Variants in CFAP276 observed in about 807,000 individuals in gnomAD.
CFAP276 encodes the protein cilia and flagella associated protein 276, also known as cilia- and flagella-associated protein 276.
chr1:109,106,694 G>A, the CFAP276 span: 1 of 1,603,726 alleles, frequency 6.2e-7, no homozygotes. Flanking sequence ...AGTGGAGAGT[G>A]AAATCAATCA....
At chr1:109,109,508 T>C in the CFAP276 span, among the ~76,000 whole-genome samples, 3 of 147,988 alleles carry the variant, frequency 2.0e-5, no homozygotes, top group African/African-American at 7.5e-5. Context: ...CCCCACAATA[T>C]GGCAAAGTGC....
chr1:109,107,031 T>G, the CFAP276 span: 1 of 1,614,186 alleles, frequency 6.2e-7, no homozygotes. Context: ...CGTGGTTTTC[T>G]GGTTTAACAG....
chr1:109,113,560 G>A, the CFAP276 span: 1 of 1,515,780 alleles, frequency 6.6e-7, no homozygotes, highest in East Asian at 2.3e-5. Flanking sequence ...CTTCTAGCCG[G>A]TTGTAAAAGC....
chr1:109,113,737 C>G, the CFAP276 span: 2 of 1,595,984 alleles, frequency 1.3e-6, no homozygotes, highest in Non-Finnish European at 1.7e-6. Flanking sequence ...TAAAATAACC[C>G]CTGGCCCGAA....
chr1:109,107,820 G>A, the CFAP276 span: 1 of 965,416 alleles, frequency 1.0e-6, no homozygotes, highest in Non-Finnish European at 1.5e-6. Context: ...TCAGGCTACG[G>A]TAAACCATGA....
At chr1:109,106,724 A>G in the CFAP276 span, 4 of 1,540,186 alleles carry the variant, frequency 2.6e-6, no homozygotes, top group Non-Finnish European at 3.5e-6. Context: ...GAGGAAGGCA[A>G]GGTAGTTGAA....
At chr1:109,108,090 T>C in the CFAP276 span, 1 of 1,338,072 alleles carries the variant, frequency 7.5e-7, no homozygotes. Context: ...GAAGCCTTGC[T>C]GATGTGGTTA....
At chr1:109,112,632 A>G in the CFAP276 span, 2 of 1,550,570 alleles carry the variant, frequency 1.3e-6, no homozygotes, top group African/African-American at 2.7e-5. Flanking sequence ...AGTAGGAATC[A>G]TCGTTATCTA....
chr1:109,112,492 T>A, the CFAP276 span: 1 of 1,415,922 alleles, frequency 7.1e-7, no homozygotes, highest in Non-Finnish European at 9.4e-7. Flanking sequence ...GGTACCCGAC[T>A]GAGTGTCTTC....
chr1:109,112,723 A>G, the CFAP276 span: 3 of 1,546,686 alleles, frequency 1.9e-6, no homozygotes, highest in Admixed American at 4.0e-5. Flanking sequence ...AGGCCCGCTC[A>G]GCCGCAGCAC....
chr1:109,112,659 AG>A, the CFAP276 span: 2 of 1,550,432 alleles, frequency 1.3e-6, no homozygotes, highest in Admixed American at 3.9e-5. Flanking sequence ...GCTGCTGGAA[AG>A]GGTCCCGGGT....
At chr1:109,112,634 C>G in the CFAP276 span, 7 of 1,550,638 alleles carry the variant, frequency 4.5e-6, no homozygotes, top group Admixed American at 3.9e-5. Flanking sequence ...TAGGAATCAT[C>G]GTTATCTAAT....
chr1:109,107,121 A>G, the CFAP276 span: 1 of 1,613,738 alleles, frequency 6.2e-7, no homozygotes, highest in Non-Finnish European at 8.5e-7. Flanking sequence ...ATCCTTTGGT[A>G]TCTACAGAAG....
At chr1:109,107,900 T>A in the CFAP276 span, 1 of 1,532,554 alleles carries the variant, frequency 6.5e-7, no homozygotes, top group East Asian at 2.3e-5. Flanking sequence ...CAAAGAGGAA[T>A]AATATTTCAA....
At chr1:109,106,152 C>T in the CFAP276 span, 1 of 1,480,374 alleles carries the variant, frequency 6.8e-7, no homozygotes, top group Non-Finnish European at 9.4e-7. Context: ...TTGGCCTTTT[C>T]TAGGAAACTT....
chr1:109,107,178 T>C, the CFAP276 span: 5 of 1,372,366 alleles, frequency 3.6e-6, no homozygotes, highest in Non-Finnish European at 5.2e-6. Context: ...CCTGCTCTAG[T>C]CAGGTTCTAT....
chr1:109,106,146 C>T, the CFAP276 span: 2 of 1,513,228 alleles, frequency 1.3e-6, no homozygotes, highest in Admixed American at 1.8e-5. Flanking sequence ...AGATCGTTGG[C>T]CTTTTCTAGG....
At chr1:109,112,563 G>T in the CFAP276 span, 1 of 1,548,582 alleles carries the variant, frequency 6.5e-7, no homozygotes, top group South Asian at 1.2e-5. Flanking sequence ...GACTACCGGC[G>T]ACCCTACTGG....
the CFAP276 span, chr1:109,106,140 C>T: frequency 3.3e-5 from 51 of 1,541,112 alleles, no homozygotes; most frequent in East Asian, 3.2e-4. Flanking sequence ...AATTTCAGAT[C>T]GTTGGCCTTT....
Sources: allele counts gnomAD v4.1 joint callset (sites outside exome capture counted in the v4.1 genomes callset), GRCh38; gene constraint gnomAD v4.1.1; transcripts MANE v1.5; gene names NCBI Gene and HGNC (gene_info 2026-07-23, HGNC 2026-07-21).